Variants in EML1 observed in about 807,000 individuals in gnomAD.
The protein encoded by EML1 is echinoderm microtubule-associated protein-like 1.
EML1 carries 27 observed loss-of-function variants against 110.4 expected under a neutral mutation model. That is an observed-to-expected ratio of 0.24 (90% CI 0.18 to 0.34). The LOEUF (loss-of-function observed/expected upper bound fraction) is 0.34. EML1 is among the 10% of genes least tolerant of loss of function. The pLI is 1.00. For missense variants in EML1, 741 were observed against 1,030.9 expected (o/e 0.72, Z 3.85); for synonymous variants, 344 against 385.8 (o/e 0.89, Z 1.27).
At chr14:99,823,121 G>A (rs565352998) in intron 1 of EML1, among the ~76,000 whole-genome samples, 29 of 152,276 alleles carry the variant, frequency 1.9e-4, no homozygotes, top group African/African-American at 4.6e-4. Flanking sequence ...TGATCCTGCC[G>A]TGCCCTCCGG....
In EML1 at chr14:99,911,652, G is replaced by A. The variant is rs567091098; in HGVS notation, c.1494+76G>A. On this transcript the variant is annotated intron_variant, in intron 13 of 21. Transcript: ENST00000262233. ...TCCTTTTTTTATTAGTTTGAAATCT[G>A]TATCTTACAGTTTTGAAAATTGTTT... The A allele has an allele frequency of 2.7e-6, 4 of 1,491,492 alleles. No individual in the cohort carries two copies. In the African/African-American group the frequency reaches 4.3e-5, roughly 16 times the overall value. The allele number at this position is 1,491,492 out of a possible 1,614,324, so 92.4% of individuals were successfully genotyped here.
At chr14:99,866,056 C>T (rs1279940393) in intron 3 of EML1, among the ~76,000 whole-genome samples, 1 of 152,170 alleles carries the variant, frequency 6.6e-6, no homozygotes, top group Admixed American at 6.5e-5. Flanking sequence ...AAAATGTACC[C>T]AACAATGGAG....
Position 99,939,598 on chromosome 14 carries a change from G to T in EML1, c.2322+271G>T, listed in dbSNP as rs918660523. Among the ~76,000 whole-genome samples, 1 of 152,022 alleles carries T rather than the reference G, an allele frequency of 6.6e-6. No homozygotes were observed. Among genetic ancestry groups the T allele is most frequent in the African/African-American group, 2.4e-5 (1 of 41,388 alleles). On this transcript the variant is annotated intron_variant, in intron 21 of 21. Coordinates refer to ENST00000262233, the MANE Select transcript of EML1 (RefSeq NM_004434.3). The surrounding 1 kb of genome is among the most constrained non-coding windows in gnomAD (Gnocchi z 4.2). ...CCCTCCCCCACGGCTCCCTTGCTCCGGCCCTGCTCAGCCGCGCCAGCCCTG... is the reference window on the plus strand; with the variant it reads ...CCCTCCCCCACGGCTCCCTTGCTCCTGCCCTGCTCAGCCGCGCCAGCCCTG...
intron 20 of EML1, among the ~76,000 whole-genome samples, chr14:99,938,470 C>T (rs2060514007): frequency 1.3e-5 from 2 of 152,194 alleles, no homozygotes; most frequent in Non-Finnish European, 2.9e-5. Flanking sequence ...TCCAGAGCTC[C>T]CAGTCGAAAA....
At chr14:99,747,256 C>T (rs889483362) in intron 1 of EML1, among the ~76,000 whole-genome samples, 1 of 151,698 alleles carries the variant, frequency 6.6e-6, no homozygotes, top group African/African-American at 2.4e-5. Flanking sequence ...TCATGAGCTC[C>T]GAACTCCCCT....
At chr14:99,923,785 T>G (rs1432493851) in intron 17 of EML1, among the ~76,000 whole-genome samples, 3 of 152,200 alleles carry the variant, frequency 2.0e-5, no homozygotes, top group African/African-American at 7.2e-5. Flanking sequence ...GTATATAAAT[T>G]TTAGGATCAG....
chr14:99,907,402 A>G (rs2059869308), intron 9 of EML1: 4 of 489,174 alleles, frequency 8.2e-6, no homozygotes, highest in Admixed American at 3.6e-5. Context: ...TGGGAGGTCA[A>G]GGGTGCAGAG....
intron 1 of EML1, among the ~76,000 whole-genome samples, chr14:99,751,513 C>T (rs921366654): frequency 3.9e-5 from 6 of 152,052 alleles, no homozygotes; most frequent in South Asian, 2.1e-4. Flanking sequence ...ATGCAGAAAA[C>T]GGACAAGATA....
chr14:99,873,277 G>A (rs1449559794), intron 3 of EML1, among the ~76,000 whole-genome samples: 1 of 152,224 alleles, frequency 6.6e-6, no homozygotes, highest in Non-Finnish European at 1.5e-5. Flanking sequence ...TGTGACAAAT[G>A]TGAGATAGAC....
chr14:99,902,991 A>G (rs531026726), intron 9 of EML1, among the ~76,000 whole-genome samples: 2 of 152,380 alleles, frequency 1.3e-5, no homozygotes, highest in South Asian at 4.1e-4. Context: ...GTGTCCTGTT[A>G]CAAACAAAAA....
intron 1 of EML1, among the ~76,000 whole-genome samples, chr14:99,845,325 T>C (rs2058690764): frequency 6.6e-6 from 1 of 152,224 alleles, no homozygotes; most frequent in African/African-American, 2.4e-5. Flanking sequence ...GGTGGTCTAT[T>C]TAAGTCTTTT....
intron 1 of EML1, among the ~76,000 whole-genome samples, chr14:99,834,079 C>G (rs1329554108): frequency 6.8e-6 from 1 of 147,280 alleles, no homozygotes; most frequent in African/African-American, 2.5e-5. Flanking sequence ...TGAGGAAGTC[C>G]TTTTCTCTTC....
rs1241626526 is a variant in EML1 at position 99,911,519 on chromosome 14, G to T, written c.1437G>T (p.Gly479=). Reference sequence around the variant, plus strand: ...ATGGCACACTGGTGTCGGGAGGTGGGAAAGACCGAAAGCTCATTTCTTGGA... The same window carrying T: ...ATGGCACACTGGTGTCGGGAGGTGGTAAAGACCGAAAGCTCATTTCTTGGA... ...LRDGTLVSGG[G]KDRKLISWSG... Residue 479 remains glycine, a synonymous_variant, in exon 13 of 22, where the codon GGG becomes GGT. Coordinates refer to ENST00000262233, the MANE Select transcript of EML1 (RefSeq NM_004434.3). 6.2e-7 allele frequency: 1 copy of T among 1,612,602 alleles called. No individual in the cohort carries two copies. Among genetic ancestry groups the T allele is most frequent in the Admixed American group, 1.7e-5 (1 of 59,462 alleles).
At position 99,878,555 on chromosome 14, in the gene EML1, A is replaced by G. The variant is rs1312009273; in HGVS notation, c.454A>G (p.Arg152Gly). 2.5e-6 allele frequency: 4 copies of G among 1,614,048 alleles called. No homozygotes were observed. The highest frequency in any genetic ancestry group is 1.3e-5 in the African/African-American group (1 of 74,928). Reference sequence around the variant, plus strand: ...TCGAAGGGAAAGCAATGGGGATTCCAGAGGAAACCGGAATCGCACAGGCTC... The same window carrying G: ...TCGAAGGGAAAGCAATGGGGATTCCGGAGGAAACCGGAATCGCACAGGCTC... ...GGRRESNGDS[R>G]GNRNRTGSTS... The change falls in exon 4 of 22, where the codon AGA (arginine) becomes GGA (glycine). Residue 152 changes from arginine to glycine, a missense_variant. Physicochemically the swap from Arg to Gly is moderately radical, Grantham distance 125. Transcript: ENST00000262233.
intron 1 of EML1, among the ~76,000 whole-genome samples, chr14:99,849,751 T>C (rs2058762328): frequency 6.6e-6 from 1 of 151,982 alleles, no homozygotes; most frequent in African/African-American, 2.4e-5. Flanking sequence ...TTTCACCCTA[T>C]TGGCCAGGCT....
At chr14:99,811,241 G>A (rs1211647507) in intron 1 of EML1, among the ~76,000 whole-genome samples, 1 of 147,572 alleles carries the variant, frequency 6.8e-6, no homozygotes, top group Non-Finnish European at 1.5e-5. Context: ...GAGTGCAGTG[G>A]TTGATCACAG....
At chr14:99,857,478 A>G (rs2058923776) in intron 2 of EML1, among the ~76,000 whole-genome samples, 1 of 152,210 alleles carries the variant, frequency 6.6e-6, no homozygotes, top group African/African-American at 2.4e-5. Flanking sequence ...TGTACGATTC[A>G]TTGATTATTA....
intron 1 of EML1, among the ~76,000 whole-genome samples, chr14:99,838,545 A>G (rs2058576120): frequency 2.0e-5 from 3 of 151,980 alleles, no homozygotes; most frequent in Admixed American, 1.3e-4. Context: ...TCCCTTCTCC[A>G]TCTGCATAAT....
intron 1 of EML1, among the ~76,000 whole-genome samples, chr14:99,845,629 A>G (rs1380651539): frequency 6.6e-6 from 1 of 152,232 alleles, no homozygotes; most frequent in Non-Finnish European, 1.5e-5. Flanking sequence ...AAAGACTTAC[A>G]CAATATTTTT....
Sources: gnomAD v4.1 joint callset for allele counts (sites outside exome capture counted in the v4.1 genomes callset) on GRCh38, gnomAD v4.1.1 for gene constraint, Gnocchi (gnomAD v3.1) non-coding constraint, MANE v1.5 for transcripts, NCBI Gene and HGNC (gene_info 2026-07-23, HGNC 2026-07-21) for gene names.